The following LRP1B variants were observed in gnomAD, a reference collection of about 807,000 sequenced individuals.
The protein encoded by LRP1B is LDL receptor related protein 1B.
In LRP1B, 217 loss-of-function variants were observed where a neutral mutation model predicts 556.6. The ratio of observed to expected loss-of-function variants is 0.39; its 90% CI spans 0.35 to 0.44. LRP1B has a LOEUF of 0.44. LRP1B is among the 20% of genes least tolerant of loss of function. The pLI, the probability that LRP1B is intolerant of heterozygous loss-of-function variation, is 1.00. For missense variants in LRP1B, 5,053 were observed against 5,620.8 expected (o/e 0.90, Z 3.23); for synonymous variants, 2,047 against 1,865.8 (o/e 1.10, Z -2.50).
intron 2 of LRP1B, among the ~76,000 whole-genome samples, chr2:141,758,338 A>G (rs1397793324): frequency 1.3e-5 from 2 of 152,220 alleles, no homozygotes; most frequent in African/African-American, 2.4e-5. Flanking sequence ...AGTATTGCAT[A>G]TAAAAATCTC....
chr2:141,793,518 T>C (rs188709929), intron 2 of LRP1B, among the ~76,000 whole-genome samples: 1 of 151,964 alleles, frequency 6.6e-6, no homozygotes. Flanking sequence ...TAATAGATTA[T>C]AATTTAAAAA....
chr2:142,058,858 C>T (rs1704786091), intron 1 of LRP1B, among the ~76,000 whole-genome samples: 3 of 152,218 alleles, frequency 2.0e-5, no homozygotes, highest in Middle Eastern at 3.4e-3. Context: ...AATCCTCTAT[C>T]TACAAATTTC....
In LRP1B at chr2:141,701,586, C is replaced by T. The variant is rs563371250; in HGVS notation, c.205+108693G>A. Among the ~76,000 whole-genome samples, 4 of 151,916 alleles carry T rather than the reference C, an allele frequency of 2.6e-5. No homozygotes were observed. The East Asian group carries it at 5.8e-4, about 22-fold the overall frequency. On this transcript the variant is annotated intron_variant, in intron 2 of 90. Coordinates refer to ENST00000389484, the MANE Select transcript of LRP1B (RefSeq NM_018557.3). ...CAAGGTTACTGCTACCCCCAAGAAC[C>T]TGCCTCAAAGAATGGTTGTGAGGAT...
intron 66 of LRP1B, among the ~76,000 whole-genome samples, chr2:140,419,637 A>G (rs1332538664): frequency 6.6e-6 from 1 of 152,210 alleles, no homozygotes; most frequent in Non-Finnish European, 1.5e-5. Flanking sequence ...TAAGACAAAC[A>G]AAAAGCTGGA....
intron 20 of LRP1B, among the ~76,000 whole-genome samples, chr2:140,931,780 AG>A (rs1242567715): frequency 2.0e-5 from 3 of 152,162 alleles, no homozygotes; most frequent in Non-Finnish European, 4.4e-5. Flanking sequence ...TTAAAATATA[AG>A]TATCAGAAGA....
chr2:140,322,109 A>C, intron 81 of LRP1B, 21 bp from the exon 82 acceptor site: 1 of 1,606,932 alleles, frequency 6.2e-7, no homozygotes. Flanking sequence ...AAAAGAAAAC[A>C]AAGAAGTGTG....
chr2:141,770,322 T>C (rs991336282), intron 2 of LRP1B, among the ~76,000 whole-genome samples: 1 of 152,248 alleles, frequency 6.6e-6, no homozygotes, highest in East Asian at 1.9e-4. Flanking sequence ...ATAAATATCA[T>C]TATTCTCACT....
intron 4 of LRP1B, among the ~76,000 whole-genome samples, chr2:141,253,475 T>C (rs1684342176): frequency 1.3e-5 from 2 of 152,166 alleles, no homozygotes; most frequent in African/African-American, 2.4e-5. Context: ...TTCCCAAATG[T>C]AACTGAAAAG....
At chr2:141,770,617 G>A (rs150652215) in intron 2 of LRP1B, among the ~76,000 whole-genome samples, 16 of 152,262 alleles carry the variant, frequency 1.1e-4, no homozygotes, top group African/African-American at 3.6e-4. Context: ...CTTTCCAAAA[G>A]GATTTGAAAG....
intron 2 of LRP1B, among the ~76,000 whole-genome samples, chr2:141,494,839 A>AAC (rs57553238): frequency 4.7e-5 from 7 of 148,022 alleles, no homozygotes; most frequent in African/African-American, 1.5e-4. Context: ...CACACACACA[A>AAC]ACACACACAC....
chr2:140,356,222 T>A, intron 75 of LRP1B, 120 bp downstream of exon 75: 2 of 985,770 alleles, frequency 2.0e-6, no homozygotes, highest in South Asian at 2.9e-5. Flanking sequence ...TGAAATGGTA[T>A]CCCGTAGATA....
intron 11 of LRP1B, among the ~76,000 whole-genome samples, chr2:141,021,254 G>C (rs74915304): frequency 0.014 from 2,141 of 151,984 alleles, 66 homozygotes; most frequent in East Asian, 0.12. Context: ...GTTTAATCAT[G>C]GTCTTTCTGG....
At chr2:141,281,683 T>G (rs576914441) in intron 3 of LRP1B, among the ~76,000 whole-genome samples, 10 of 152,126 alleles carry the variant, frequency 6.6e-5, no homozygotes, top group East Asian at 5.8e-4. Context: ...CTGCTCACAT[T>G]AATATTCTAT....
At chr2:141,403,692 T>C (rs1275259018) in intron 3 of LRP1B, among the ~76,000 whole-genome samples, 1 of 152,166 alleles carries the variant, frequency 6.6e-6, no homozygotes, top group Non-Finnish European at 1.5e-5. Context: ...TTTGGATTAT[T>C]TGAAAATTAC....
At position 140,735,031 on chromosome 2, in the gene LRP1B, A is replaced by G. The variant is rs1469836500; in HGVS notation, c.5759-18215T>C. 2.0e-5 allele frequency among the ~76,000 whole-genome samples: 3 copies of G among 152,184 alleles called. No homozygotes were observed. The East Asian group carries it at 5.8e-4, about 29-fold the overall frequency. On this transcript the variant is annotated intron_variant, in intron 35 of 90. Coordinates refer to ENST00000389484, the MANE Select transcript of LRP1B (RefSeq NM_018557.3). ...CTTGACTCTGTTTCCCAAAAGACCA[A>G]ACTAGCACAAGAGATGATGGGAGTG...
chr2:140,596,176 A>G (rs1487893941), intron 43 of LRP1B, among the ~76,000 whole-genome samples: 4 of 152,202 alleles, frequency 2.6e-5, no homozygotes, highest in Admixed American at 6.5e-5. Context: ...ACACAAAGTT[A>G]TAATAAAGGT....
intron 3 of LRP1B, among the ~76,000 whole-genome samples, chr2:141,359,581 C>G (rs1688744536): frequency 6.6e-6 from 1 of 152,024 alleles, no homozygotes; most frequent in Admixed American, 6.6e-5. Context: ...GATGGTGAAA[C>G]CCCATCTTTA....
chr2:140,724,988 G>A (rs937385962), intron 35 of LRP1B, among the ~76,000 whole-genome samples: 2 of 151,910 alleles, frequency 1.3e-5, no homozygotes, highest in African/African-American at 4.8e-5. Flanking sequence ...TAATAGGTAG[G>A]CCCAGGAATA....
intron 2 of LRP1B, among the ~76,000 whole-genome samples, chr2:141,607,777 T>G (rs914635404): frequency 6.6e-6 from 1 of 151,972 alleles, no homozygotes; most frequent in Non-Finnish European, 1.5e-5. Flanking sequence ...AAAAAATACA[T>G]AGTTGGGCAT....
Sources: allele counts gnomAD v4.1 joint callset (sites outside exome capture counted in the v4.1 genomes callset), GRCh38; gene constraint gnomAD v4.1.1; transcripts MANE v1.5; gene names NCBI Gene and HGNC (gene_info 2026-07-23, HGNC 2026-07-21).